Variants in TLK1 observed in about 807,000 individuals in gnomAD.
TLK1 encodes serine/threonine-protein kinase tousled-like 1.
In TLK1, 24 loss-of-function variants were observed where a neutral mutation model predicts 105.3. That is an observed-to-expected ratio of 0.23 (90% CI 0.17 to 0.32). The LOEUF is 0.32. Among genes scored for constraint, TLK1 ranks in the 10% least tolerant of loss-of-function variants. The probability of loss-of-function intolerance (pLI) is 1.00; values close to 1 mark genes in which losing one functional copy is unlikely to be tolerated. For synonymous variants in TLK1, 321 were observed against 310.4 expected, an observed-to-expected ratio of 1.03 and a Z score of -0.36; for missense variants, 558 against 910.5, an observed-to-expected ratio of 0.61 and a Z score of 4.98.
At chr2:171,158,485 C>T (rs963608684) in intron 1 of TLK1, among the ~76,000 whole-genome samples, 2 of 152,138 alleles carry the variant, frequency 1.3e-5, no homozygotes, top group Non-Finnish European at 2.9e-5. Context: ...TGTTTTGTCT[C>T]CCAAATTCCC....
chr2:171,018,054 A>C (rs1685292451), intron 12 of TLK1, among the ~76,000 whole-genome samples: 1 of 152,248 alleles, frequency 6.6e-6, no homozygotes, highest in Non-Finnish European at 1.5e-5. Context: ...AAATTCATAT[A>C]TTGAAGCCCT....
chr2:171,225,525 G>T (rs150913304), intron 1 of TLK1, among the ~76,000 whole-genome samples: 1 of 152,066 alleles, frequency 6.6e-6, no homozygotes, highest in Non-Finnish European at 1.5e-5. Context: ...CTGGTAGGAA[G>T]GTGCAATGGC....
At chr2:171,194,919 A>T (rs552138579) in intron 1 of TLK1, among the ~76,000 whole-genome samples, 1 of 152,234 alleles carries the variant, frequency 6.6e-6, no homozygotes, top group East Asian at 1.9e-4. Flanking sequence ...GGATTGAAAC[A>T]CAAGGTTCTT....
At chr2:171,044,947 G>C (rs1375295096) in intron 11 of TLK1, among the ~76,000 whole-genome samples, 3 of 152,192 alleles carry the variant, frequency 2.0e-5, no homozygotes, top group Non-Finnish European at 4.4e-5. Context: ...CAAGGCAGAA[G>C]AGACTACGAG....
intron 1 of TLK1, among the ~76,000 whole-genome samples, chr2:171,181,603 G>A (rs1692929752): frequency 6.6e-6 from 1 of 152,168 alleles, no homozygotes; most frequent in Admixed American, 6.6e-5. Context: ...AAAGCGAAGG[G>A]GAACTGTTGT....
chr2:171,006,387 C>CA (rs1684655025), intron 17 of TLK1, 87 bp downstream of exon 17: 1 of 1,480,124 alleles, frequency 6.8e-7, no homozygotes, highest in Non-Finnish European at 9.0e-7. Context: ...CAAGAGAAAC[C>CA]AAAAAACATG....
intron 1 of TLK1, among the ~76,000 whole-genome samples, chr2:171,153,219 T>C (rs764313159): frequency 2.6e-5 from 4 of 152,208 alleles, no homozygotes; most frequent in Non-Finnish European, 5.9e-5. Context: ...TAGGTCACAC[T>C]GGTAAGTCAC....
chr2:171,077,923 T>C (rs752465566), intron 3 of TLK1, among the ~76,000 whole-genome samples: 5 of 152,192 alleles, frequency 3.3e-5, no homozygotes, highest in African/African-American at 4.8e-5. Flanking sequence ...TAAAAAACAC[T>C]TGACTTTGTG....
chr2:171,117,163 C>T (rs1167823138), intron 2 of TLK1, among the ~76,000 whole-genome samples: 1 of 152,092 alleles, frequency 6.6e-6, no homozygotes, highest in Non-Finnish European at 1.5e-5. Context: ...ACTGTTCTAC[C>T]TCATATCAGG....
chr2:171,126,194 A>C (rs958165424), intron 1 of TLK1, among the ~76,000 whole-genome samples: 1 of 152,244 alleles, frequency 6.6e-6, no homozygotes, highest in African/African-American at 2.4e-5. Flanking sequence ...AATCCAAAAC[A>C]TCACATAAAA....
chr2:171,197,522 C>T (rs1693297604), intron 1 of TLK1, among the ~76,000 whole-genome samples: 1 of 152,084 alleles, frequency 6.6e-6, no homozygotes, highest in East Asian at 1.9e-4. Context: ...CTCACGCCTG[C>T]AATCCCAGCA....
At chr2:171,180,627 T>C (rs1222543422) in intron 1 of TLK1, among the ~76,000 whole-genome samples, 3 of 152,200 alleles carry the variant, frequency 2.0e-5, no homozygotes, top group Non-Finnish European at 4.4e-5. Flanking sequence ...AAGTAGTTTG[T>C]ATTTGCTCTG....
chr2:171,114,440 CAGAG>C (rs761543815), intron 2 of TLK1, among the ~76,000 whole-genome samples: 3 of 152,168 alleles, frequency 2.0e-5, no homozygotes, highest in Non-Finnish European at 2.9e-5. Flanking sequence ...AGACTGTTGT[CAGAG>C]GGAGACGTGA....
intron 2 of TLK1, among the ~76,000 whole-genome samples, chr2:171,094,269 T>G (rs981478685): frequency 1.3e-5 from 2 of 151,824 alleles, no homozygotes; most frequent in African/African-American, 4.8e-5. Context: ...GAAAATGAAG[T>G]AGAATCATCC....
At chr2:171,018,574 C>CTG (rs1559345368) in intron 12 of TLK1, among the ~76,000 whole-genome samples, 1 of 152,120 alleles carries the variant, frequency 6.6e-6, no homozygotes, top group Non-Finnish European at 1.5e-5. Flanking sequence ...AATCTTTTTC[C>CTG]AAGGGTTCAG....
intron 1 of TLK1, among the ~76,000 whole-genome samples, chr2:171,203,304 A>G (rs1693437659): frequency 6.6e-6 from 1 of 152,188 alleles, no homozygotes; most frequent in Non-Finnish European, 1.5e-5. Flanking sequence ...TTCAGAATTC[A>G]TCTCGTAAAA....
At chr2:171,190,727 T>G (rs1693130271) in intron 1 of TLK1, among the ~76,000 whole-genome samples, 1 of 152,220 alleles carries the variant, frequency 6.6e-6, no homozygotes, top group African/African-American at 2.4e-5. Context: ...AAAAAATAGT[T>G]TTAAAAATTT....
intron 6 of TLK1, among the ~76,000 whole-genome samples, chr2:171,056,213 A>G (rs566905874): frequency 6.6e-6 from 1 of 152,216 alleles, no homozygotes; most frequent in African/African-American, 2.4e-5. Flanking sequence ...CTCAACAGGC[A>G]TTCTTTTAAC....
chr2:171,017,980 C>T (rs1019768707), intron 12 of TLK1, among the ~76,000 whole-genome samples: 3 of 152,192 alleles, frequency 2.0e-5, no homozygotes, highest in African/African-American at 7.2e-5. Context: ...AACTCTGCTA[C>T]GCTAAAAATT....
Sources: gnomAD v4.1 joint callset for allele counts (sites outside exome capture counted in the v4.1 genomes callset) on GRCh38, gnomAD v4.1.1 for gene constraint, MANE v1.5 for transcripts, NCBI Gene and HGNC (gene_info 2026-07-23, HGNC 2026-07-21) for gene names.